Variants in SP140 observed in about 807,000 individuals in gnomAD.
SP140 encodes the protein SP140 nuclear body protein.
Under a neutral mutation model 125.0 loss-of-function variants are expected in SP140, and 81 were observed. The observed-to-expected ratio is 0.65, with a 90% confidence interval of 0.54 to 0.78. SP140 has a LOEUF of 0.78. Among genes scored for constraint, SP140 ranks in the 30% least tolerant of loss-of-function variants. The pLI is 0.00. For synonymous variants in SP140, 312 were observed against 354.0 expected (o/e 0.88, Z 1.33); for missense variants, 858 against 1,037.0 (o/e 0.83, Z 2.37).
rs781304390 is a variant in SP140, at chr2:230,269,558, A to G, written c.1267A>G (p.Met423Val). Reference sequence around the variant, plus strand: ...GTCTAGTGAACTAGAAAATCACCCAATGAATGAAGAAGGAGAATCAGAAGA... The same window carrying G: ...GTCTAGTGAACTAGAAAATCACCCAGTGAATGAAGAAGGAGAATCAGAAGA... ...SVSSELENHP[M>V]NEEGESEELA... is the part of the protein sequence containing the mutation. Residue 423 changes from methionine (M) to valine (V), a missense_variant, in exon 13 of 27, where the codon ATG becomes GTG. By Grantham distance (21) the Met-to-Val change is conservative. This residue lies in a region of SP140 where 791 missense variants were observed against 869.5 expected (regional missense o/e 0.91). Transcript: ENST00000392045. 6.9e-5 allele frequency: 111 copies of G among 1,608,016 alleles called. 1 individual carries two copies. In the Middle Eastern group the frequency reaches 8.3e-4, roughly 12 times the overall value.
At chr2:230,257,342 T>G (rs13023767) in intron 12 of SP140, among the ~76,000 whole-genome samples, 27,506 of 151,016 alleles carry the variant, frequency 0.18, 2,895 homozygotes, top group Non-Finnish European at 0.24. Context: ...ATATGAAAAG[T>G]ATATGTAGCA....
intron 1 of SP140, among the ~76,000 whole-genome samples, chr2:230,207,198 C>T (rs2043963323): frequency 6.6e-6 from 1 of 152,110 alleles, no homozygotes; most frequent in African/African-American, 2.4e-5. Flanking sequence ...TCTCATGTAT[C>T]TAAACAGAAA....
intron 1 of SP140, among the ~76,000 whole-genome samples, chr2:230,236,001 C>T (rs748212839): frequency 5.3e-5 from 8 of 150,952 alleles, no homozygotes; most frequent in South Asian, 2.1e-4. Context: ...CTCAGCCTCT[C>T]GAGTAGCTGG....
chr2:230,189,775 T>C, the SP140 span, among the ~76,000 whole-genome samples: 1 of 152,204 alleles, frequency 6.6e-6, no homozygotes, highest in Admixed American at 6.5e-5. Context: ...CTCCCACTTA[T>C]GAGTGAGAAC....
At chr2:230,224,722 T>C (rs2046125183), upstream of SP140, among the ~76,000 whole-genome samples, 1 of 152,180 alleles carries the variant, frequency 6.6e-6, no homozygotes, top group Non-Finnish European at 1.5e-5. Flanking sequence ...CCAGAAAAAG[T>C]AGGATTCAGG....
At chr2:230,216,934 G>A (rs2045251503) in intron 3 of SP140, 2 of 1,612,600 alleles carry the variant, frequency 1.2e-6, no homozygotes, top group South Asian at 2.2e-5. Context: ...ACATCCTATG[G>A]AAAGAGGCAT....
chr2:230,245,841 A>T (rs1215870883), intron 6 of SP140, 22 bp from the exon 7 acceptor site: 10 of 1,531,350 alleles, frequency 6.5e-6, no homozygotes, highest in African/African-American at 1.4e-5. Context: ...ATTGTCTGTC[A>T]TGTTCCTCTT....
the SP140 span, among the ~76,000 whole-genome samples, chr2:230,190,353 T>G: frequency 2.0e-5 from 3 of 152,206 alleles, no homozygotes; most frequent in Admixed American, 2.0e-4. Flanking sequence ...AAATTTTTTT[T>G]TTTTTGAGAA....
upstream of SP140, among the ~76,000 whole-genome samples, chr2:230,199,148 A>ATTTT (rs113583785): frequency 2.2e-5 from 3 of 139,114 alleles, no homozygotes; most frequent in African/African-American, 8.4e-5. Flanking sequence ...TATTATTATT[A>ATTTT]TTTTTTTTTT....
intron 1 of SP140, among the ~76,000 whole-genome samples, chr2:230,204,694 C>T (rs2043565477): frequency 6.6e-6 from 1 of 151,696 alleles, no homozygotes. Flanking sequence ...TAAGTAATTA[C>T]AATAGAGTAT....
intron 1 of SP140, chr2:230,230,322 T>G (rs2047066899): frequency 6.6e-6 from 1 of 152,224 alleles, no homozygotes; most frequent in Non-Finnish European, 1.5e-5. Flanking sequence ...AATCCTGTGG[T>G]ATTAGCTGTT....
At chr2:230,213,128 G>A in intron 1 of SP140, 2 of 1,154,982 alleles carry the variant, frequency 1.7e-6, no homozygotes, top group Non-Finnish European at 2.6e-6. Flanking sequence ...TGGGGGCATG[G>A]AGCTATTCAT....
chr2:230,238,030 T>A (rs963045153), intron 2 of SP140, among the ~76,000 whole-genome samples, 183 bp from the exon 3 acceptor site: 1 of 152,224 alleles, frequency 6.6e-6, no homozygotes, highest in Non-Finnish European at 1.5e-5. Context: ...TGTACAACAA[T>A]GTCAGAGAGT....
chr2:230,229,574 T>G (rs1403420592), intron 1 of SP140, among the ~76,000 whole-genome samples: 1 of 148,024 alleles, frequency 6.8e-6, no homozygotes, highest in Non-Finnish European at 1.5e-5. Flanking sequence ...TTCACGCCAT[T>G]CTCCTGCCTC....
chr2:230,246,090 C>A, intron 7 of SP140, 150 bp downstream of exon 7: 1 of 618,618 alleles, frequency 1.6e-6, no homozygotes, highest in South Asian at 1.8e-5. Context: ...TATATCCATC[C>A]ATCCATCTGT....
chr2:230,207,487 C>T (rs1033262587), intron 1 of SP140, among the ~76,000 whole-genome samples: 1 of 152,208 alleles, frequency 6.6e-6, no homozygotes, highest in Non-Finnish European at 1.5e-5. Context: ...CATCTATACA[C>T]AGCTGCATAG....
chr2:230,233,800 C>T (rs1285787743), intron 1 of SP140, among the ~76,000 whole-genome samples: 1 of 152,218 alleles, frequency 6.6e-6, no homozygotes, highest in Non-Finnish European at 1.5e-5. Flanking sequence ...CTAGACCCTC[C>T]TATCTGCTTC....
Position 230,212,943 on chromosome 2 carries a change from T to C in SP140, c.-322-711T>C, listed in dbSNP as rs2044658221. ...TGGTGGGGGCAGCGCCAGTGGGGTATGGAGGGAGCTTCCTTCTGCTAGGCC... is the reference window on the plus strand; with the variant it reads ...TGGTGGGGGCAGCGCCAGTGGGGTACGGAGGGAGCTTCCTTCTGCTAGGCC... On this transcript the variant is annotated intron_variant, in intron 1 of 4. Coordinates refer to the SP140 transcript ENST00000456542. 4 of 1,613,962 alleles carry C rather than the reference T, an allele frequency of 2.5e-6. No individual in the cohort carries two copies. Among genetic ancestry groups the C allele is most frequent in the Non-Finnish European group, 1.7e-6 (2 of 1,179,952 alleles).
At chr2:230,295,593 A>T (rs1028014077) in intron 21 of SP140, among the ~76,000 whole-genome samples, 1 of 152,180 alleles carries the variant, frequency 6.6e-6, no homozygotes, top group African/African-American at 2.4e-5. Flanking sequence ...GGAGAACAGA[A>T]GGTCCCTTAA....
Sources: allele counts gnomAD v4.1 joint callset (sites outside exome capture counted in the v4.1 genomes callset), GRCh38; gene constraint gnomAD v4.1.1; regional missense constraint gnomAD v4.1.1; transcripts MANE v1.5; gene names NCBI Gene and HGNC (gene_info 2026-07-23, HGNC 2026-07-21).